The following ASTN1 variants were observed in gnomAD, a reference collection of about 807,000 sequenced individuals.
The protein encoded by ASTN1 is astrotactin 1, also known as astrotactin-1.
ASTN1 carries 41 observed loss-of-function variants against 140.7 expected under a neutral mutation model. The observed-to-expected ratio is 0.29, with a 90% CI of 0.23 to 0.38. The LOEUF is 0.38. Among genes scored for constraint, ASTN1 ranks in the 10% least tolerant of loss-of-function variants. The probability of loss-of-function intolerance (pLI) is 1.00; values close to 1 mark genes in which losing one functional copy is unlikely to be tolerated. For missense variants in ASTN1, 1,479 were observed against 1,678.8 expected (o/e 0.88, Z 2.08); for synonymous variants, 640 against 652.2 (o/e 0.98, Z 0.29).
At chr1:176,912,872 G>C (rs144297592) in intron 16 of ASTN1, among the ~76,000 whole-genome samples, 2,652 of 152,292 alleles carry the variant, frequency 0.017, 40 homozygotes, top group Admixed American at 0.04. Context: ...GTTTTCACAA[G>C]TCAAGCACAG....
At chr1:177,102,266 T>C (rs900185105) in intron 1 of ASTN1, among the ~76,000 whole-genome samples, 3 of 152,176 alleles carry the variant, frequency 2.0e-5, no homozygotes, top group Non-Finnish European at 4.4e-5. Context: ...GGGTTAAACA[T>C]TTATATAACC....
At chr1:177,027,740 GTGTGTGTGTGTGTGTGT>G (rs1211439257) in intron 5 of ASTN1, among the ~76,000 whole-genome samples, 2 of 150,170 alleles carry the variant, frequency 1.3e-5, no homozygotes, top group African/African-American at 4.9e-5. Flanking sequence ...GTGTGTGTGT[GTGTGTGTGTGTGTGTGT>G]GTGTGTATGT....
At chr1:177,027,372 C>A (rs564582186) in intron 5 of ASTN1, among the ~76,000 whole-genome samples, 1 of 151,978 alleles carries the variant, frequency 6.6e-6, no homozygotes, top group South Asian at 2.1e-4. Context: ...TGACTTGCTA[C>A]GGATATTCCT....
chr1:176,970,604 T>TAGAC (rs921534814), intron 8 of ASTN1, among the ~76,000 whole-genome samples: 4 of 150,772 alleles, frequency 2.7e-5, no homozygotes, highest in South Asian at 2.1e-4. Flanking sequence ...GATAGATAGA[T>TAGAC]AGACAGACAG....
chr1:177,063,805 A>G (rs760060732), intron 1 of ASTN1, among the ~76,000 whole-genome samples: 2 of 152,086 alleles, frequency 1.3e-5, no homozygotes, highest in Non-Finnish European at 2.9e-5. Context: ...CATAAAAATC[A>G]CAAGCTGTCA....
At chr1:177,065,869 C>A (rs939569321) in intron 1 of ASTN1, among the ~76,000 whole-genome samples, 2 of 152,132 alleles carry the variant, frequency 1.3e-5, no homozygotes, top group East Asian at 3.9e-4. Context: ...GGCAGGAAAC[C>A]AGACTCAATA....
chr1:176,939,570 G>C (rs1282457791), intron 14 of ASTN1, among the ~76,000 whole-genome samples: 1 of 152,016 alleles, frequency 6.6e-6, no homozygotes, highest in Non-Finnish European at 1.5e-5. Flanking sequence ...ATATTTTCTA[G>C]GTGAGCCATA....
In ASTN1 at chr1:176,958,338, G is replaced by C. The variant is rs369381313; in HGVS notation, c.1736+7C>G. On this transcript the variant is annotated splice_region_variant and intron_variant, in intron 10 of 22. Transcript: ENST00000361833. The stretch of plus-strand genomic sequence containing the variant: ...ATTGCAGGCCTCAGTCCTGAAGCCA[G>C]ACTCACCTGACCTCCACAGCATCCT... The C allele has an allele frequency of 1.9e-6, 3 of 1,613,742 alleles. No individual in the cohort carries two copies. In the African/African-American group the frequency reaches 4.0e-5, roughly 22 times the overall value.
intron 1 of ASTN1, among the ~76,000 whole-genome samples, chr1:177,157,911 AC>A (rs1683307960): frequency 1.3e-5 from 2 of 152,156 alleles, no homozygotes; most frequent in Admixed American, 1.3e-4. Context: ...TGTGAGATTT[AC>A]CCACATTGAT....
intron 2 of ASTN1, among the ~76,000 whole-genome samples, chr1:177,038,493 G>A (rs1028398049): frequency 1.3e-5 from 2 of 152,128 alleles, no homozygotes; most frequent in Non-Finnish European, 2.9e-5. Flanking sequence ...AGGAAAGAAG[G>A]AAGGGAAGGA....
Position 177,149,347 on chromosome 1 carries a change from A to ATATATATAGTAAATATATATATAG in ASTN1, c.283+15023_283+15046dup, listed in dbSNP as rs1249960364. Among the ~76,000 whole-genome samples, 364 of 77,886 alleles carry ATATATATAGTAAATATATATATAG rather than the reference A, an allele frequency of 4.7e-3. 18 individuals are homozygous for ATATATATAGTAAATATATATATAG. The highest frequency in any genetic ancestry group is 6.0e-3 in the African/African-American group (85 of 14,098). The allele number at this position is 77,886 out of a possible 152,430, so 51.1% of individuals were successfully genotyped here. On this transcript the variant is annotated intron_variant, in intron 1 of 22. Coordinates refer to ENST00000361833, the MANE Select transcript of ASTN1 (RefSeq NM_004319.3). The stretch of plus-strand genomic sequence containing the variant: ...TATATATAGTAAATATATATATAGT[A>ATATATATAGTAAATATATATATAG]TATATATAGTAAATATATATATAGT...
chr1:177,162,652 C>A (rs1454149550), intron 1 of ASTN1, among the ~76,000 whole-genome samples: 1 of 152,204 alleles, frequency 6.6e-6, no homozygotes, highest in Non-Finnish European at 1.5e-5. Context: ...AAGCACCATG[C>A]TTGTACCTCT....
intron 8 of ASTN1, among the ~76,000 whole-genome samples, chr1:177,004,549 T>C (rs975843040): frequency 1.3e-5 from 2 of 152,106 alleles, no homozygotes; most frequent in East Asian, 1.9e-4. Flanking sequence ...ATAACAAATC[T>C]TGATGCATCA....
chr1:176,997,003 G>T (rs1674487552), intron 8 of ASTN1, among the ~76,000 whole-genome samples: 1 of 152,084 alleles, frequency 6.6e-6, no homozygotes, highest in Non-Finnish European at 1.5e-5. Context: ...GCCTACCCAG[G>T]GACTGTTGGC....
At chr1:176,880,484 T>C (rs1020635572) in intron 20 of ASTN1, among the ~76,000 whole-genome samples, 1 of 152,138 alleles carries the variant, frequency 6.6e-6, no homozygotes, top group Admixed American at 6.5e-5. Context: ...GGCCTGTGAG[T>C]CACCTCCCTA....
chr1:176,953,149 C>G (rs1672263316), intron 11 of ASTN1, among the ~76,000 whole-genome samples: 1 of 152,166 alleles, frequency 6.6e-6, no homozygotes, highest in Non-Finnish European at 1.5e-5. Flanking sequence ...CATCTTTCCC[C>G]TCTTTTCCTA....
chr1:176,970,016 C>T (rs956119106), intron 8 of ASTN1, among the ~76,000 whole-genome samples: 3 of 152,210 alleles, frequency 2.0e-5, no homozygotes, highest in Admixed American at 6.5e-5. Context: ...CATGGAAACG[C>T]GTATGCTGAG....
intron 1 of ASTN1, among the ~76,000 whole-genome samples, chr1:177,131,833 C>A (rs1413102823): frequency 6.6e-6 from 1 of 152,116 alleles, no homozygotes; most frequent in Non-Finnish European, 1.5e-5. Flanking sequence ...CAGAAACCAG[C>A]AGAAGGAGAG....
intron 1 of ASTN1, among the ~76,000 whole-genome samples, chr1:177,145,814 C>T (rs1682696130): frequency 6.6e-6 from 1 of 152,216 alleles, no homozygotes; most frequent in South Asian, 2.1e-4. Flanking sequence ...AGTGCTGCTA[C>T]ATTCACATGC....
Sources: allele counts gnomAD v4.1 joint callset (sites outside exome capture counted in the v4.1 genomes callset), GRCh38; gene constraint gnomAD v4.1.1; transcripts MANE v1.5; gene names NCBI Gene and HGNC (gene_info 2026-07-23, HGNC 2026-07-21).